The following EIF4E variants were observed in gnomAD, a reference collection of about 807,000 sequenced individuals.
The protein encoded by EIF4E is eukaryotic translation initiation factor 4E.
For synonymous variants in EIF4E, 71 were observed against 88.5 expected (o/e 0.80, Z 1.11); for missense variants, 113 against 265.6 (o/e 0.43, Z 3.99).
At position 98,880,502 on chromosome 4, in the gene EIF4E, T is replaced by A. The variant is rs1723634840; in HGVS notation, c.*526A>T. On this transcript the variant is annotated 3_prime_UTR_variant, in exon 7 of 7. Coordinates refer to ENST00000450253, the MANE Select transcript of EIF4E (RefSeq NM_001968.5). Reference sequence around the variant, plus strand: ...AATCAGAATCACTAATATTATCAAGTAGGGAAACAAATAAATTAAAATCTA... The same window carrying A: ...AATCAGAATCACTAATATTATCAAGAAGGGAAACAAATAAATTAAAATCTA... The A allele has an allele frequency of 1.1e-5, 1 of 87,032 alleles. No individual in the cohort carries two copies. The highest frequency in any genetic ancestry group is 4.5e-5 in the African/African-American group (1 of 22,068). The allele number at this position is 87,032 out of a possible 1,614,324, so 5.4% of individuals were successfully genotyped here.
chr4:98,891,089 C>G, intron 3 of EIF4E, 148 bp downstream of exon 3: 1 of 819,172 alleles, frequency 1.2e-6, no homozygotes, highest in South Asian at 1.7e-5. Flanking sequence ...AGCATAATCA[C>G]CAATTCAAAC....
At chr4:98,881,385 G>A (rs1401235664) in intron 6 of EIF4E, among the ~76,000 whole-genome samples, 2 of 151,882 alleles carry the variant, frequency 1.3e-5, no homozygotes, top group African/African-American at 4.8e-5. Flanking sequence ...CTAAATTACA[G>A]GAGCATTACT....
At chr4:98,924,486 C>T (rs1725788204) in intron 1 of EIF4E, among the ~76,000 whole-genome samples, 1 of 152,106 alleles carries the variant, frequency 6.6e-6, no homozygotes, top group South Asian at 2.1e-4. Flanking sequence ...GCATATTATC[C>T]CTCTGCAACT....
chr4:98,928,867 A>G, intron 1 of EIF4E: 19 of 1,538,788 alleles, frequency 1.2e-5, no homozygotes, highest in Non-Finnish European at 1.7e-5. Flanking sequence ...CCTCCCCCAC[A>G]CCGCTCCCCC....
intron 1 of EIF4E, among the ~76,000 whole-genome samples, chr4:98,904,197 T>A (rs746525970): frequency 6.6e-6 from 1 of 152,196 alleles, no homozygotes; most frequent in Non-Finnish European, 1.5e-5. Flanking sequence ...CAGGGACTTA[T>A]GTCTGTAATT....
intron 2 of EIF4E, among the ~76,000 whole-genome samples, chr4:98,894,128 A>G (rs1724263965): frequency 6.6e-6 from 1 of 152,364 alleles, no homozygotes; most frequent in Admixed American, 6.5e-5. Flanking sequence ...AAACCATGCT[A>G]TAAATCGATG....
intron 5 of EIF4E, 135 bp from the exon 6 acceptor site, chr4:98,885,196 T>C (rs1363549578): frequency 9.7e-7 from 1 of 1,035,728 alleles, no homozygotes; most frequent in African/African-American, 1.6e-5. Context: ...GTGTAAATTT[T>C]ATTTGCATAT....
intron 6 of EIF4E, among the ~76,000 whole-genome samples, chr4:98,881,713 G>A (rs1006508789): frequency 1.3e-5 from 2 of 152,144 alleles, no homozygotes; most frequent in Non-Finnish European, 2.9e-5. Context: ...CTTTGAGGGA[G>A]ATTAAACACT....
intron 2 of EIF4E, among the ~76,000 whole-genome samples, chr4:98,893,242 G>A (rs535896151): frequency 7.9e-5 from 12 of 152,326 alleles, no homozygotes; most frequent in Non-Finnish European, 1.5e-4. Context: ...GCTGATGGAG[G>A]GTCTTCCCTT....
At chr4:98,912,601 T>A (rs1206586033) in intron 1 of EIF4E, among the ~76,000 whole-genome samples, 2 of 150,110 alleles carry the variant, frequency 1.3e-5, no homozygotes, top group South Asian at 2.1e-4. Context: ...AAAAGAAAAA[T>A]TTACATACGT....
At chr4:98,906,693 A>T (rs1224307377) in intron 1 of EIF4E, among the ~76,000 whole-genome samples, 1 of 152,152 alleles carries the variant, frequency 6.6e-6, no homozygotes. Flanking sequence ...CCTGGGTGAC[A>T]GAGTAAGACT....
intron 1 of EIF4E, among the ~76,000 whole-genome samples, chr4:98,906,227 G>A (rs1458768782): frequency 1.3e-5 from 2 of 152,002 alleles, no homozygotes; most frequent in Admixed American, 6.6e-5. Context: ...TTTTTTCCAG[G>A]TTAAGACAAA....
chr4:98,914,561 C>T (rs1725295899), intron 1 of EIF4E, among the ~76,000 whole-genome samples: 1 of 151,830 alleles, frequency 6.6e-6, no homozygotes, highest in African/African-American at 2.4e-5. Flanking sequence ...GCTGAAAAGG[C>T]TACATACTGT....
chr4:98,913,081 G>A (rs553143441), intron 1 of EIF4E, among the ~76,000 whole-genome samples: 11 of 152,098 alleles, frequency 7.2e-5, no homozygotes, highest in Admixed American at 4.6e-4. Flanking sequence ...AGTGGCACGC[G>A]CCTGTAATCC....
chr4:98,891,113 T>TA (rs1046214699), intron 3 of EIF4E, 124 bp downstream of exon 3: 214 of 1,072,786 alleles, frequency 2.0e-4, no homozygotes, highest in Non-Finnish European at 2.8e-4. Flanking sequence ...TGTGAGGAGA[T>TA]AAAAAAATAG....
rs184932407 is a variant in EIF4E, at chr4:98,910,349, A to C, written c.19-8367T>G. Among the ~76,000 whole-genome samples the C allele has an allele frequency of 4.2e-3, 640 of 152,352 alleles. 4 individuals carry two copies. Among genetic ancestry groups the C allele is most frequent in the African/African-American group, 0.015 (611 of 41,574 alleles). On this transcript the variant is annotated intron_variant, in intron 1 of 6. Transcript: ENST00000450253. Reference sequence around the variant, plus strand: ...CATGTAAAAGTCCCTGAGACATCATATATCAATCATGATTCAAAAGACAGT... The same window carrying C: ...CATGTAAAAGTCCCTGAGACATCATCTATCAATCATGATTCAAAAGACAGT...
intron 1 of EIF4E, among the ~76,000 whole-genome samples, chr4:98,910,329 A>G (rs572158768): frequency 2.0e-5 from 3 of 152,362 alleles, no homozygotes; most frequent in Non-Finnish European, 4.4e-5. Flanking sequence ...TTTTTCATGT[A>G]AAAGTCCCTG....
chr4:98,892,336 C>CCAA (rs201936292), intron 2 of EIF4E, among the ~76,000 whole-genome samples: 4 of 131,226 alleles, frequency 3.0e-5, no homozygotes, highest in African/African-American at 1.2e-4. Flanking sequence ...AACAAAAAAA[C>CCAA]AAACAAAAAA....
At chr4:98,926,960 A>C (rs752492072) in intron 1 of EIF4E, among the ~76,000 whole-genome samples, 17 of 152,248 alleles carry the variant, frequency 1.1e-4, no homozygotes, top group Non-Finnish European at 2.1e-4. Context: ...GAAACCTCAC[A>C]GAACTCCTTA....
Sources: allele counts gnomAD v4.1 joint callset (sites outside exome capture counted in the v4.1 genomes callset), GRCh38; gene constraint gnomAD v4.1.1; transcripts MANE v1.5; gene names NCBI Gene and HGNC (gene_info 2026-07-23, HGNC 2026-07-21).